DGKI: variants seen among roughly 807,000 people sequenced by gnomAD.
DGKI encodes the protein diacylglycerol kinase iota.
In DGKI, 55 loss-of-function variants were observed where a neutral mutation model predicts 147.5. The ratio of observed to expected loss-of-function variants is 0.37; its 90% CI spans 0.30 to 0.47. The LOEUF (loss-of-function observed/expected upper bound fraction) is 0.47. Among genes scored for constraint, DGKI ranks in the 20% least tolerant of loss-of-function variants. The pLI is 1.00. For missense variants in DGKI, 1,007 were observed against 1,323.8 expected (o/e 0.76, Z 3.71); for synonymous variants, 469 against 477.1 (o/e 0.98, Z 0.22).
chr7:137,548,579 C>T (rs1255804617), intron 20 of DGKI, among the ~76,000 whole-genome samples: 1 of 151,590 alleles, frequency 6.6e-6, no homozygotes, highest in African/African-American at 2.4e-5. Flanking sequence ...TGACTGTAAA[C>T]TTCCTGAAGC....
intron 1 of DGKI, among the ~76,000 whole-genome samples, chr7:137,757,888 A>G (rs1274349004): frequency 6.6e-6 from 1 of 152,188 alleles, no homozygotes; most frequent in Admixed American, 6.5e-5. Context: ...AAGTAGTTTA[A>G]GACATATAGC....
At chr7:137,772,310 T>G (rs1796226309) in intron 1 of DGKI, 1 of 152,172 alleles carries the variant, frequency 6.6e-6, no homozygotes, top group African/African-American at 2.4e-5. Flanking sequence ...TATTTAAATA[T>G]TATCTGCTTT....
chr7:137,566,051 A>G (rs1818575049), intron 19 of DGKI, among the ~76,000 whole-genome samples: 2 of 152,310 alleles, frequency 1.3e-5, no homozygotes, highest in East Asian at 1.9e-4. Flanking sequence ...AGCAATGTAC[A>G]AATATATTTA....
chr7:137,635,188 G>A (rs1377039772), intron 6 of DGKI, among the ~76,000 whole-genome samples: 3 of 152,172 alleles, frequency 2.0e-5, no homozygotes, highest in Non-Finnish European at 4.4e-5. Context: ...GCTTGTAAGT[G>A]CAGTACCCTT....
At chr7:137,481,670 AT>A (rs1445851745) in intron 23 of DGKI, among the ~76,000 whole-genome samples, 1 of 152,112 alleles carries the variant, frequency 6.6e-6, no homozygotes, top group African/African-American at 2.4e-5. Context: ...TTCACTATGC[AT>A]TTGGAAAAGG....
rs1029648995 is a variant in DGKI at position 137,381,641 on chromosome 7, T to A, written c.*9579A>T. Reference sequence around the variant, plus strand: ...CTGAGATTGTCCTCTATTCCTTAGTTTTTCACAAGAATGGTTTTCCTCAGT... The same window carrying A: ...CTGAGATTGTCCTCTATTCCTTAGTATTTCACAAGAATGGTTTTCCTCAGT... On this transcript the variant is annotated 3_prime_UTR_variant, in exon 33 of 33. Coordinates refer to ENST00000614521, the MANE Select transcript of DGKI (RefSeq NM_001321708.2). The A allele has an allele frequency of 9.2e-5, 14 of 151,962 alleles. No individual in the cohort carries two copies. Among genetic ancestry groups the A allele is most frequent in the African/African-American group, 3.4e-4 (14 of 41,372 alleles). 9.4% of individuals were successfully genotyped at this position (151,962 alleles called of 1,614,324 possible). A position where few individuals can be genotyped will look rare whatever the true frequency, so the allele number is the denominator to read the frequency against.
intron 3 of DGKI, among the ~76,000 whole-genome samples, chr7:137,673,269 G>A (rs992465037): frequency 6.6e-6 from 1 of 152,142 alleles, no homozygotes; most frequent in Non-Finnish European, 1.5e-5. Flanking sequence ...GCCCATCACA[G>A]CCACTACACA....
intron 1 of DGKI, among the ~76,000 whole-genome samples, chr7:137,827,142 G>A (rs1191942446): frequency 6.6e-6 from 1 of 152,110 alleles, no homozygotes; most frequent in African/African-American, 2.4e-5. Context: ...TGGCAGGGTG[G>A]AGGTGTCACT....
At chr7:137,411,294 T>C (rs1347342053) in intron 29 of DGKI, among the ~76,000 whole-genome samples, 1 of 152,102 alleles carries the variant, frequency 6.6e-6, no homozygotes, top group Non-Finnish European at 1.5e-5. Context: ...AAACCAAATA[T>C]AGCTTTAGAA....
intron 1 of DGKI, among the ~76,000 whole-genome samples, chr7:137,697,434 C>A (rs1165410943): frequency 6.6e-6 from 1 of 152,094 alleles, no homozygotes; most frequent in African/African-American, 2.4e-5. Context: ...GTAGAGAAGA[C>A]AAATGCAAAG....
intron 23 of DGKI, among the ~76,000 whole-genome samples, chr7:137,480,643 G>T (rs911090042): frequency 5.9e-5 from 9 of 151,834 alleles, no homozygotes; most frequent in African/African-American, 2.2e-4. Context: ...CCACCCTGAA[G>T]AATGAAAAGG....
At chr7:137,823,595 T>A (rs190583994) in intron 1 of DGKI, among the ~76,000 whole-genome samples, 1 of 152,302 alleles carries the variant, frequency 6.6e-6, no homozygotes, top group Admixed American at 6.5e-5. Flanking sequence ...GTTTGTTCCA[T>A]CAGACAAGGC....
intron 1 of DGKI, among the ~76,000 whole-genome samples, chr7:137,819,672 A>G (rs1797839475): frequency 6.6e-6 from 1 of 152,108 alleles, no homozygotes; most frequent in African/African-American, 2.4e-5. Context: ...ATATTTGATC[A>G]TGGTTCTCTG....
chr7:137,472,221 A>ATATACATATAAATAT, intron 23 of DGKI, among the ~76,000 whole-genome samples: 1 of 112,848 alleles, frequency 8.9e-6, no homozygotes, highest in African/African-American at 3.7e-5. Context: ...ATATATATGT[A>ATATACATATAAATAT]TATATACATA....
chr7:137,695,879 T>A (rs1446093147), intron 1 of DGKI, among the ~76,000 whole-genome samples: 1 of 152,194 alleles, frequency 6.6e-6, no homozygotes, highest in Admixed American at 6.5e-5. Context: ...TACCAATTAA[T>A]GGTTATGTAG....
At chr7:137,532,580 C>T (rs1817378414) in intron 20 of DGKI, among the ~76,000 whole-genome samples, 1 of 152,102 alleles carries the variant, frequency 6.6e-6, no homozygotes, top group Admixed American at 6.6e-5. Flanking sequence ...ATAGATGGCC[C>T]CATATTTCTG....
At chr7:137,812,849 T>C (rs912374690) in intron 1 of DGKI, among the ~76,000 whole-genome samples, 4 of 152,218 alleles carry the variant, frequency 2.6e-5, no homozygotes, top group Admixed American at 2.6e-4. Context: ...TAATTAGGTA[T>C]ATAGTCATAT....
At chr7:137,820,002 C>T (rs748195326) in intron 1 of DGKI, among the ~76,000 whole-genome samples, 1 of 152,210 alleles carries the variant, frequency 6.6e-6, no homozygotes, top group African/African-American at 2.4e-5. Context: ...ACACTTCTTG[C>T]ATGCCTTCGA....
At chr7:137,666,285 C>CCCTGATACTCAGGT (rs1410189881) in intron 3 of DGKI, among the ~76,000 whole-genome samples, 1 of 152,186 alleles carries the variant, frequency 6.6e-6, no homozygotes, top group African/African-American at 2.4e-5. Context: ...AGCCTGTGGT[C>CCCTGATACTCAGGT]CCTGATACTC....
Sources: gnomAD v4.1 joint callset for allele counts (sites outside exome capture counted in the v4.1 genomes callset) on GRCh38, gnomAD v4.1.1 for gene constraint, MANE v1.5 for transcripts, NCBI Gene and HGNC (gene_info 2026-07-23, HGNC 2026-07-21) for gene names.